PTPRM: variants seen among roughly 807,000 people sequenced by gnomAD.
PTPRM encodes protein tyrosine phosphatase receptor type M, also known as receptor-type tyrosine-protein phosphatase mu.
Under a neutral mutation model 186.7 loss-of-function variants are expected in PTPRM, and 47 were observed. That is an observed-to-expected ratio of 0.25 (90% CI 0.20 to 0.32). PTPRM has a LOEUF of 0.32. Among genes scored for constraint, PTPRM ranks in the 10% least tolerant of loss-of-function variants. PTPRM has a pLI of 1.00. For missense variants in PTPRM, 1,494 were observed against 1,865.0 expected (o/e 0.80, Z 3.66); for synonymous variants, 668 against 674.9 (o/e 0.99, Z 0.16).
rs985578163 is a variant in PTPRM at position 8,067,574 on chromosome 18, T to G, written c.1133-2112T>G. 5.3e-5 allele frequency among the ~76,000 whole-genome samples: 8 copies of G among 152,360 alleles called. 1 individual carries two copies. Among genetic ancestry groups the G allele is most frequent in the Admixed American group, 2.6e-4 (4 of 15,306 alleles). ...CCATTTTATGATTGCAGCAGATATC[T>G]GGTAAATGCTACGTTGCATATTTAA... On this transcript the variant is annotated intron_variant, in intron 7 of 32. Coordinates refer to ENST00000580170, the MANE Select transcript of PTPRM (RefSeq NM_001105244.2).
intron 13 of PTPRM, among the ~76,000 whole-genome samples, chr18:8,130,688 T>C (rs1277421080): frequency 2.0e-5 from 3 of 152,108 alleles, no homozygotes; most frequent in East Asian, 1.9e-4. Context: ...GCCCACTTCA[T>C]TGGCAGTTTT....
chr18:8,202,608 A>G (rs1051721013), intron 14 of PTPRM, among the ~76,000 whole-genome samples: 2 of 151,098 alleles, frequency 1.3e-5, no homozygotes, highest in African/African-American at 4.9e-5. Context: ...TTTTAATGGT[A>G]AGAAATTGGC....
intron 2 of PTPRM, among the ~76,000 whole-genome samples, chr18:7,806,502 G>A (rs891504523): frequency 4.6e-5 from 7 of 152,136 alleles, no homozygotes; most frequent in African/African-American, 1.7e-4. Flanking sequence ...GGAAAGGGGA[G>A]TCTACAAATT....
At chr18:7,816,478 CT>C (rs1379563218) in intron 2 of PTPRM, among the ~76,000 whole-genome samples, 1 of 152,118 alleles carries the variant, frequency 6.6e-6, no homozygotes, top group Non-Finnish European at 1.5e-5. Flanking sequence ...AATTACAAAT[CT>C]TGGCACTTAA....
At chr18:7,820,610 C>A (rs747386251) in intron 2 of PTPRM, among the ~76,000 whole-genome samples, 9 of 152,178 alleles carry the variant, frequency 5.9e-5, no homozygotes, top group Admixed American at 1.3e-4. Context: ...GAGGCACCCC[C>A]AGTCAGAGTG....
chr18:8,085,696 T>G lies in PTPRM; in HGVS notation c.1577T>G (p.Phe526Cys). The change falls in exon 10 of 33, where the codon TTT becomes TGT. Residue 526 changes from phenylalanine (F) to cysteine (C), a missense_variant. By Grantham distance (205) the Phe-to-Cys change is radical (BLOSUM62 -2). Around this residue, in one of 3 missense-constraint regions of PTPRM, gnomAD observed 1,107 missense variants for 1,350.2 expected, o/e 0.82. Transcript: ENST00000580170. ...ATCACCTACAAAGCAGTCAGTTCCTTTGACCCAGAAATAGATTTATCCAAT... is the reference window on the plus strand; with the variant it reads ...ATCACCTACAAAGCAGTCAGTTCCTGTGACCCAGAAATAGATTTATCCAAT... ...YEITYKAVSS[F>C]DPEIDLSNQS... 1 of 1,608,756 alleles carries G rather than the reference T, an allele frequency of 6.2e-7. No homozygotes were observed. Among genetic ancestry groups the G allele is most frequent in the East Asian group, 2.2e-5 (1 of 44,848 alleles).
intron 19 of PTPRM, among the ~76,000 whole-genome samples, chr18:8,266,617 A>G (rs73939415): frequency 0.029 from 4,456 of 152,312 alleles, 220 homozygotes; most frequent in African/African-American, 0.1. Flanking sequence ...TGATTGAAAT[A>G]TAATCAAATT....
chr18:8,068,849 C>T (rs2089268698), intron 7 of PTPRM, among the ~76,000 whole-genome samples: 1 of 152,122 alleles, frequency 6.6e-6, no homozygotes, highest in South Asian at 2.1e-4. Flanking sequence ...CCTGTAGTCC[C>T]AGCACTTTGG....
intron 24 of PTPRM, among the ~76,000 whole-genome samples, chr18:8,375,432 T>G (rs1318211741): frequency 6.6e-6 from 1 of 152,070 alleles, no homozygotes; most frequent in African/African-American, 2.4e-5. Context: ...GGTAAAATAT[T>G]TACCCACATT....
chr18:8,271,174 A>G (rs2094767110), intron 19 of PTPRM, among the ~76,000 whole-genome samples: 1 of 152,100 alleles, frequency 6.6e-6, no homozygotes, highest in Non-Finnish European at 1.5e-5. Context: ...ATTCCCTTTA[A>G]TCCCTGGTTT....
chr18:8,335,994 C>A (rs980376490), intron 22 of PTPRM, among the ~76,000 whole-genome samples: 1 of 151,822 alleles, frequency 6.6e-6, no homozygotes, highest in Non-Finnish European at 1.5e-5. Context: ...CGCACTCCAG[C>A]CTGGGTGACA....
Position 8,176,172 on chromosome 18 carries a change from G to A in PTPRM, c.2300+32393G>A, listed in dbSNP as rs150936952. On this transcript the variant is annotated intron_variant, in intron 14 of 32. Coordinates refer to ENST00000580170, the MANE Select transcript of PTPRM (RefSeq NM_001105244.2). ...GGAAAATTCATCCAGTATTTGGAGC[G>A]ATTAATGAATTGCTTGTTGTATGGC... Among the ~76,000 whole-genome samples the A allele has an allele frequency of 2.2e-3, 338 of 152,174 alleles. 1 individual carries two copies. The highest frequency in any genetic ancestry group is 7.3e-3 in the African/African-American group (303 of 41,498).
chr18:7,857,316 A>G (rs2047144275), intron 2 of PTPRM, among the ~76,000 whole-genome samples: 1 of 152,140 alleles, frequency 6.6e-6, no homozygotes, highest in South Asian at 2.1e-4. Flanking sequence ...GAAATAGAGT[A>G]ACAGATTAAA....
intron 1 of PTPRM, among the ~76,000 whole-genome samples, chr18:7,610,363 C>T (rs895105681): frequency 1.3e-5 from 2 of 151,934 alleles, no homozygotes; most frequent in African/African-American, 2.4e-5. Context: ...TATGAAAGTC[C>T]GTTTTAGAAT....
At chr18:8,184,740 G>A (rs1200249982) in intron 14 of PTPRM, among the ~76,000 whole-genome samples, 1 of 152,094 alleles carries the variant, frequency 6.6e-6, no homozygotes. Context: ...TATGTATTTA[G>A]GATTTATTTT....
At chr18:7,699,750 A>G (rs2039920988) in intron 1 of PTPRM, among the ~76,000 whole-genome samples, 1 of 151,378 alleles carries the variant, frequency 6.6e-6, no homozygotes, top group Admixed American at 6.6e-5. Flanking sequence ...TTTAATAGTT[A>G]ACATTTTCTG....
At chr18:8,091,016 A>G (rs374085763) in intron 11 of PTPRM, among the ~76,000 whole-genome samples, 13 of 152,262 alleles carry the variant, frequency 8.5e-5, no homozygotes, top group African/African-American at 2.9e-4. Context: ...TTTCTAGCAT[A>G]TGCCTCACTA....
chr18:8,039,727 C>T (rs1433053144), intron 7 of PTPRM, among the ~76,000 whole-genome samples: 2 of 152,232 alleles, frequency 1.3e-5, no homozygotes, highest in African/African-American at 2.4e-5. Context: ...TCATTAACTA[C>T]ATTCATCATG....
At chr18:7,844,760 T>C (rs908634531) in intron 2 of PTPRM, among the ~76,000 whole-genome samples, 12 of 152,342 alleles carry the variant, frequency 7.9e-5, no homozygotes, top group African/African-American at 2.9e-4. Context: ...GTAGTACTTT[T>C]ATTTTAGCCT....
Sources: gnomAD v4.1 joint callset for allele counts (sites outside exome capture counted in the v4.1 genomes callset) on GRCh38, gnomAD v4.1.1 for gene constraint, gnomAD v4.1.1 regional missense constraint, MANE v1.5 for transcripts, NCBI Gene and HGNC (gene_info 2026-07-23, HGNC 2026-07-21) for gene names.